COMT: variants seen among roughly 807,000 people sequenced by gnomAD.
The protein encoded by COMT is catechol O-methyltransferase.
COMT carries 13 observed loss-of-function variants against 18.9 expected under a neutral mutation model. That is an observed-to-expected ratio of 0.69 (90% CI 0.45 to 1.09). COMT has a LOEUF of 1.09. Ranked by LOEUF, COMT falls within the 50% of genes least tolerant of loss-of-function variation. The probability of loss-of-function intolerance (pLI) is 0.00; values close to 1 mark genes in which losing one functional copy is unlikely to be tolerated. For synonymous variants in COMT, 150 were observed against 160.9 expected, an observed-to-expected ratio of 0.93 and a Z score of 0.51; for missense variants, 329 against 361.8, an observed-to-expected ratio of 0.91 and a Z score of 0.73.
chr22:19,966,236 G>A (rs1942381554), intron 5 of COMT, among the ~76,000 whole-genome samples: 1 of 152,136 alleles, frequency 6.6e-6, no homozygotes, highest in Admixed American at 6.5e-5. Flanking sequence ...CCTTGTGGAG[G>A]GTTAGGGGAC....
chr22:19,963,420 T>C, intron 3 of COMT, 146 bp from the exon 4 acceptor site: 1 of 875,320 alleles, frequency 1.1e-6, no homozygotes, highest in African/African-American at 1.7e-5. Context: ...CTCCAGCGGG[T>C]AGGGAGGGTG....
chr22:19,954,990 C>T (rs1260171502), intron 1 of COMT, among the ~76,000 whole-genome samples: 1 of 152,110 alleles, frequency 6.6e-6, no homozygotes, highest in Non-Finnish European at 1.5e-5. Context: ...GGCGAGGCCC[C>T]ATCTGGATTT....
intron 4 of COMT, 95 bp downstream of exon 4, chr22:19,963,854 C>T (rs1021157162): frequency 7.6e-6 from 11 of 1,439,664 alleles, no homozygotes; most frequent in Admixed American, 2.0e-5. Context: ...GGTGTTCACA[C>T]CACGTTCACT....
intron 5 of COMT, chr22:19,967,157 C>A (rs556087393): frequency 1.6e-5 from 21 of 1,302,046 alleles, no homozygotes; most frequent in Non-Finnish European, 2.0e-5. Context: ...CTGTTTAACT[C>A]GTGCAGGTGC....
In COMT at chr22:19,969,895, G is replaced by T. The variant is rs982843466; in HGVS notation, c.*1159G>T. ...AGACCTGAGTGGCAGAAAGCAAAAA[G>T]TTCCTTTGCTGCTTTAATTTTTAAA... On this transcript the variant is annotated 3_prime_UTR_variant, in exon 6 of 6. Coordinates refer to ENST00000361682, the MANE Select transcript of COMT (RefSeq NM_000754.4). 1 of 985,460 alleles carries T rather than the reference G, an allele frequency of 1.0e-6. No homozygotes were observed. Among genetic ancestry groups the T allele is most frequent in the South Asian group, 4.7e-5 (1 of 21,276 alleles). 61.0% of individuals were successfully genotyped at this position (985,460 alleles called of 1,614,324 possible). A position where few individuals can be genotyped will look rare whatever the true frequency, so the allele number is the denominator to read the frequency against.
chr22:19,951,696 G>A (rs1450386267), intron 1 of COMT: 1 of 152,312 alleles, frequency 6.6e-6, no homozygotes, highest in African/African-American at 2.4e-5. Flanking sequence ...AGTGACAGGA[G>A]GGGAGAGAGC....
chr22:19,960,927 A>C (rs1283137939), intron 1 of COMT, among the ~76,000 whole-genome samples: 1 of 152,222 alleles, frequency 6.6e-6, no homozygotes, highest in Non-Finnish European at 1.5e-5. Flanking sequence ...GTGCACACAC[A>C]CATAGCCCAC....
chr22:19,955,926 T>C (rs112169796), intron 1 of COMT, among the ~76,000 whole-genome samples: 4 of 152,184 alleles, frequency 2.6e-5, no homozygotes, highest in African/African-American at 9.6e-5. Context: ...CAGCCCAGTC[T>C]TTCTCTCCGT....
rs113043756 is a variant in COMT, at chr22:19,945,042, C to T, written c.-92+3145C>T. 4.3e-3 allele frequency among the ~76,000 whole-genome samples: 659 copies of T among 152,214 alleles called. 1 individual carries two copies. Among genetic ancestry groups the T allele is most frequent in the Non-Finnish European group, 7.2e-3 (488 of 68,012 alleles). The stretch of plus-strand genomic sequence containing the variant: ...CCTGATTATTTACATAAATGCAGCA[C>T]GAACAGTAATTGACCACACAGGCCT... On this transcript the variant is annotated intron_variant, in intron 1 of 5. Coordinates refer to ENST00000361682, the MANE Select transcript of COMT (RefSeq NM_000754.4).
chr22:19,946,911 T>G (rs174676), intron 1 of COMT, among the ~76,000 whole-genome samples: 10,180 of 55,126 alleles, frequency 0.18, 722 homozygotes, highest in African/African-American at 0.33. Flanking sequence ...TTTTTTTTAG[T>G]TTTTTTTTTT....
At position 19,968,742 on chromosome 22, in the gene COMT, C is replaced by G; in HGVS notation, c.*6C>G. 6.2e-7 allele frequency: 1 copy of G among 1,608,556 alleles called. No individual in the cohort carries two copies. The highest frequency in any genetic ancestry group is 8.5e-7 in the Non-Finnish European group (1 of 1,179,400). ...GCAGCGAAGCAGGGCCCTGACTGCC[C>G]CCCCGGCCCCCCTCTCGGGCTCTCT... On this transcript the variant is annotated 3_prime_UTR_variant, in exon 6 of 6. Transcript: ENST00000361682.
At chr22:19,960,991 A>G (rs1942179727) in intron 1 of COMT, among the ~76,000 whole-genome samples, 1 of 152,024 alleles carries the variant, frequency 6.6e-6, no homozygotes, top group Non-Finnish European at 1.5e-5. Context: ...TGGCTGGGGG[A>G]CACTAGTAGG....
chr22:19,950,658 G>C (rs537200428), intron 1 of COMT, among the ~76,000 whole-genome samples: 2 of 152,100 alleles, frequency 1.3e-5, no homozygotes, highest in Non-Finnish European at 2.9e-5. Context: ...GGCCTGCAGC[G>C]GGGATCCACA....
At chr22:19,946,729 CAT>C (rs1326243737) in intron 1 of COMT, among the ~76,000 whole-genome samples, 2 of 152,102 alleles carry the variant, frequency 1.3e-5, no homozygotes, top group Non-Finnish European at 2.9e-5. Context: ...GTTTATGACA[CAT>C]AGCATTTTAA....
Position 19,963,969 on chromosome 22 carries a change from A to C in COMT, c.484-199A>C, listed in dbSNP as rs1349425048. On this transcript the variant is annotated intron_variant, in intron 4 of 5. Transcript: ENST00000361682. ...TCTCACAGCTCTGGGTAAACTGCCA[A>C]GGTGGCACCAGGAGGGGCAGGGACA... 4 of 1,217,284 alleles carry C rather than the reference A, an allele frequency of 3.3e-6. No homozygotes were observed. In the East Asian group the frequency reaches 1.0e-4, roughly 31 times the overall value. The allele number at this position is 1,217,284 out of a possible 1,614,324, so 75.4% of individuals were successfully genotyped here.
At chr22:19,944,098 T>C (rs1056323990) in intron 1 of COMT, among the ~76,000 whole-genome samples, 2 of 152,218 alleles carry the variant, frequency 1.3e-5, no homozygotes, top group African/African-American at 2.4e-5. Context: ...ATTTGAGTTC[T>C]TGGTGACACC....
At chr22:19,942,384 T>C (rs1214512107) in intron 1 of COMT, among the ~76,000 whole-genome samples, 1 of 152,062 alleles carries the variant, frequency 6.6e-6, no homozygotes, top group African/African-American at 2.4e-5. Flanking sequence ...AGGGCCTTGG[T>C]GACTTCTCCA....
intron 5 of COMT, chr22:19,965,624 G>A (rs1942349653): frequency 6.6e-6 from 1 of 152,368 alleles, no homozygotes; most frequent in African/African-American, 2.4e-5. Context: ...ACAGGCGTGA[G>A]CCACTGCGTC....
intron 1 of COMT, among the ~76,000 whole-genome samples, chr22:19,956,690 C>A (rs532835699): frequency 7.9e-5 from 12 of 151,686 alleles, no homozygotes; most frequent in Non-Finnish European, 1.2e-4. Context: ...TTCTAGTTAT[C>A]TTTTACGGAT....
Sources: allele counts gnomAD v4.1 joint callset (sites outside exome capture counted in the v4.1 genomes callset), GRCh38; gene constraint gnomAD v4.1.1; transcripts MANE v1.5; gene names NCBI Gene and HGNC (gene_info 2026-07-23, HGNC 2026-07-21).